CFAP299: variants seen among roughly 807,000 people sequenced by gnomAD.
The protein encoded by CFAP299 is cilia- and flagella-associated protein 299.
CFAP299 carries 21 observed loss-of-function variants against 27.0 expected under a neutral mutation model. The ratio of observed to expected loss-of-function variants is 0.78; its 90% CI spans 0.55 to 1.12. CFAP299 has a LOEUF of 1.12. Ranked by LOEUF, CFAP299 falls within the 50% of genes most tolerant of loss-of-function variation. The pLI, the probability that CFAP299 is intolerant of heterozygous loss-of-function variation, is 0.00. For missense variants in CFAP299, 310 were observed against 276.6 expected (o/e 1.12, Z -0.86); for synonymous variants, 104 against 98.1 (o/e 1.06, Z -0.36).
chr4:80,362,681 T>C, intron 1 of CFAP299, 73 bp from the exon 2 acceptor site: 1 of 1,464,546 alleles, frequency 6.8e-7, no homozygotes, highest in African/African-American at 1.4e-5. Flanking sequence ...ATTGCAGATG[T>C]AAGATATAAG....
chr4:80,872,144 G>A (rs924572464), intron 4 of CFAP299: 4 of 151,856 alleles, frequency 2.6e-5, no homozygotes, highest in African/African-American at 9.7e-5. Context: ...AAACTGATTT[G>A]ATTAAATGCA....
intron 2 of CFAP299, among the ~76,000 whole-genome samples, chr4:80,462,289 A>G (rs1479234166): frequency 6.6e-6 from 1 of 152,076 alleles, no homozygotes; most frequent in African/African-American, 2.4e-5. Context: ...CTCTACCTTT[A>G]TACTCCTCTA....
chr4:80,879,115 C>T (rs1733560440), intron 4 of CFAP299, among the ~76,000 whole-genome samples: 1 of 152,054 alleles, frequency 6.6e-6, no homozygotes. Context: ...GGGCACCACA[C>T]AATAAAATCA....
In CFAP299 at chr4:80,827,708, TAAAC is replaced by T. The variant is rs527499694; in HGVS notation, c.334-42281_334-42278del. Among the ~76,000 whole-genome samples, 5 of 152,056 alleles carry T rather than the reference TAAAC, an allele frequency of 3.3e-5. No individual in the cohort carries two copies. The South Asian group carries it at 1.0e-3, about 32-fold the overall frequency. On this transcript the variant is annotated intron_variant, in intron 3 of 5. Coordinates refer to ENST00000358105, the MANE Select transcript of CFAP299 (RefSeq NM_152770.3). ...TACTAGAAGTCCTGGTCAAAGCAAT[TAAAC>T]AAAACAAATAAATAAAAAGCATCCA... is the stretch of plus-strand genomic sequence containing the variant.
chr4:80,522,209 G>A (rs1008139074), intron 2 of CFAP299, among the ~76,000 whole-genome samples: 39 of 151,882 alleles, frequency 2.6e-4, no homozygotes, highest in African/African-American at 8.4e-4. Context: ...ACAGATATGA[G>A]ATTTTATTTA....
intron 4 of CFAP299, among the ~76,000 whole-genome samples, chr4:80,936,424 T>C (rs113000454): frequency 0.034 from 5,136 of 152,132 alleles, 232 homozygotes; most frequent in African/African-American, 0.1. Flanking sequence ...GAAAACGTAG[T>C]ACATATACAA....
chr4:80,440,790 G>T (rs921501650), intron 2 of CFAP299, among the ~76,000 whole-genome samples: 4 of 152,154 alleles, frequency 2.6e-5, no homozygotes, highest in African/African-American at 9.7e-5. Flanking sequence ...CTAACCCAGT[G>T]CAAGGAAGCT....
chr4:80,570,238 A>G (rs1735517454), intron 2 of CFAP299, among the ~76,000 whole-genome samples: 1 of 152,044 alleles, frequency 6.6e-6, no homozygotes, highest in African/African-American at 2.4e-5. Flanking sequence ...AGAAAGATTT[A>G]TTTAAAGTGG....
chr4:80,714,013 G>A (rs1405826982), intron 3 of CFAP299, among the ~76,000 whole-genome samples: 2 of 151,928 alleles, frequency 1.3e-5, no homozygotes, highest in Non-Finnish European at 1.5e-5. Flanking sequence ...TGAGATAGTG[G>A]AATATATATA....
intron 3 of CFAP299, among the ~76,000 whole-genome samples, chr4:80,756,028 CA>C (rs1362664653): frequency 6.6e-6 from 1 of 152,076 alleles, no homozygotes; most frequent in East Asian, 1.9e-4. Flanking sequence ...CATTTTCCAT[CA>C]AAATATAATC....
intron 3 of CFAP299, among the ~76,000 whole-genome samples, chr4:80,783,489 T>C (rs1727051999): frequency 6.6e-6 from 1 of 152,186 alleles, no homozygotes; most frequent in African/African-American, 2.4e-5. Context: ...TACATAATTA[T>C]AATGTATTCA....
chr4:80,331,000 A>G (rs1341883189), upstream of CFAP299, among the ~76,000 whole-genome samples: 1 of 152,248 alleles, frequency 6.6e-6, no homozygotes, highest in East Asian at 1.9e-4. Flanking sequence ...AATACTTTAT[A>G]ATAATCAAGA....
chr4:80,500,172 T>A (rs1731671827), intron 2 of CFAP299, among the ~76,000 whole-genome samples: 1 of 152,150 alleles, frequency 6.6e-6, no homozygotes. Flanking sequence ...ATCCATTGAT[T>A]ATTTTATCCT....
At chr4:80,711,315 C>T (rs1049409752) in intron 3 of CFAP299, among the ~76,000 whole-genome samples, 1 of 151,988 alleles carries the variant, frequency 6.6e-6, no homozygotes, top group Non-Finnish European at 1.5e-5. Flanking sequence ...GTGAGCTGCT[C>T]AGAGGAGCCA....
chr4:80,891,513 GA>G (rs1227329341), intron 4 of CFAP299, among the ~76,000 whole-genome samples: 1 of 139,572 alleles, frequency 7.2e-6, no homozygotes, highest in Non-Finnish European at 1.5e-5. Flanking sequence ...ACTATCGCAA[GA>G]ACAAAAAACC....
intron 3 of CFAP299, among the ~76,000 whole-genome samples, chr4:80,592,742 C>T (rs1736848204): frequency 6.6e-6 from 1 of 152,144 alleles, no homozygotes; most frequent in Non-Finnish European, 1.5e-5. Context: ...TGGCAGAAAA[C>T]ACTGAAGTAA....
intron 2 of CFAP299, among the ~76,000 whole-genome samples, chr4:80,458,050 A>AT (rs550288761): frequency 2.6e-5 from 4 of 151,990 alleles, no homozygotes; most frequent in East Asian, 3.9e-4. Context: ...ATCCTTCACC[A>AT]TTTTTTTGAT....
At chr4:80,860,924 C>A (rs1226119533) in intron 3 of CFAP299, among the ~76,000 whole-genome samples, 1 of 152,176 alleles carries the variant, frequency 6.6e-6, no homozygotes, top group African/African-American at 2.4e-5. Context: ...CTGGGAGAAC[C>A]ACTGCTCTCT....
At chr4:80,386,762 G>C in intron 2 of CFAP299, 1 of 1,430,724 alleles carries the variant, frequency 7.0e-7, no homozygotes, top group Non-Finnish European at 9.8e-7. Flanking sequence ...CAGCTTGTCC[G>C]GCCGGTTGAA....
Sources: allele counts gnomAD v4.1 joint callset (sites outside exome capture counted in the v4.1 genomes callset), GRCh38; gene constraint gnomAD v4.1.1; transcripts MANE v1.5; gene names NCBI Gene and HGNC (gene_info 2026-07-23, HGNC 2026-07-21).